Variants in MAN1A1 observed in about 807,000 individuals in gnomAD.
MAN1A1 encodes mannosyl-oligosaccharide 1,2-alpha-mannosidase IA.
MAN1A1 carries 29 observed loss-of-function variants against 70.8 expected under a neutral mutation model. The ratio of observed to expected loss-of-function variants is 0.41; its 90% CI spans 0.31 to 0.56. The LOEUF is 0.56. Among genes scored for constraint, MAN1A1 ranks in the 20% least tolerant of loss-of-function variants. The pLI, the probability that MAN1A1 is intolerant of heterozygous loss-of-function variation, is 0.29. For synonymous variants in MAN1A1, 349 were observed against 330.1 expected, an observed-to-expected ratio of 1.06 and a Z score of -0.62; for missense variants, 747 against 841.3, an observed-to-expected ratio of 0.89 and a Z score of 1.39.
intron 8 of MAN1A1, among the ~76,000 whole-genome samples, chr6:119,195,880 G>A (rs146042197): frequency 0.016 from 2,493 of 152,300 alleles, 34 homozygotes; most frequent in Middle Eastern, 0.065. Context: ...TTCTTGAAGT[G>A]ACCTTTACAG....
At chr6:119,244,443 T>C (rs1775109558) in intron 6 of MAN1A1, among the ~76,000 whole-genome samples, 1 of 152,258 alleles carries the variant, frequency 6.6e-6, no homozygotes, top group Non-Finnish European at 1.5e-5. Flanking sequence ...ATCTAGGTTA[T>C]TAAATGAGTA....
chr6:119,242,393 A>G (rs1775037414), intron 6 of MAN1A1, among the ~76,000 whole-genome samples: 1 of 152,142 alleles, frequency 6.6e-6, no homozygotes, highest in Admixed American at 6.6e-5. Flanking sequence ...ACTATCCTAC[A>G]TAAACCACAT....
chr6:119,317,427 T>C (rs2114470466), intron 2 of MAN1A1, among the ~76,000 whole-genome samples: 1 of 152,334 alleles, frequency 6.6e-6, no homozygotes, highest in Admixed American at 6.5e-5. Flanking sequence ...ATTTACTGTC[T>C]GCATAGTTTT....
At chr6:119,275,519 G>C (rs1776036791) in intron 5 of MAN1A1, among the ~76,000 whole-genome samples, 1 of 148,446 alleles carries the variant, frequency 6.7e-6, no homozygotes, top group African/African-American at 2.5e-5. Context: ...TTTTAGCCGG[G>C]ATGGTCTTGA....
chr6:119,325,624 C>T (rs1773125954), intron 2 of MAN1A1, among the ~76,000 whole-genome samples: 1 of 152,054 alleles, frequency 6.6e-6, no homozygotes, highest in Non-Finnish European at 1.5e-5. Flanking sequence ...ACCACTGCAC[C>T]CCAACGTGAC....
intron 2 of MAN1A1, among the ~76,000 whole-genome samples, chr6:119,313,870 T>C (rs1772776931): frequency 6.6e-6 from 1 of 150,774 alleles, no homozygotes; most frequent in African/African-American, 2.4e-5. Context: ...CCACCAGGTC[T>C]AGGGCAACTA....
intron 6 of MAN1A1, chr6:119,210,813 T>A (rs565307509): frequency 8.3e-6 from 3 of 360,616 alleles, no homozygotes; most frequent in Non-Finnish European, 1.7e-5. Context: ...GACTTGGGAA[T>A]GTGTATTAGA....
chr6:119,337,558 G>A (rs890649124), intron 2 of MAN1A1, among the ~76,000 whole-genome samples: 4 of 152,186 alleles, frequency 2.6e-5, no homozygotes, highest in African/African-American at 9.7e-5. Context: ...AGGGACGGAC[G>A]ACTGCAAAGA....
At position 119,348,937 on chromosome 6, in the gene MAN1A1, C is replaced by G. The variant is rs763735347; in HGVS notation, c.129G>C (p.Val43=). 3 of 1,533,854 alleles carry G rather than the reference C, an allele frequency of 2.0e-6. No homozygotes were observed. The highest frequency in any genetic ancestry group is 2.6e-6 in the Non-Finnish European group (3 of 1,140,650). ...PAALRLTEKF[V]LLLVFSAFIT... ...TGAAGGCGCTGAATACCAGCAGCAG[C>G]ACGAACTTCTCCGTCAGGCGGAGGG... The change falls in exon 2 of 13, where the codon GTG becomes GTC. Residue 43 remains valine, a synonymous_variant. Coordinates refer to ENST00000368468, the MANE Select transcript of MAN1A1 (RefSeq NM_005907.4).
intron 6 of MAN1A1, among the ~76,000 whole-genome samples, chr6:119,236,200 A>T (rs1024139077): frequency 3.3e-5 from 5 of 152,106 alleles, no homozygotes; most frequent in Non-Finnish European, 7.4e-5. Flanking sequence ...GGAAGACAAA[A>T]GCCTGGATGA....
chr6:119,180,540 G>T, intron 11 of MAN1A1, 113 bp from the exon 12 acceptor site: 1 of 587,730 alleles, frequency 1.7e-6, no homozygotes, highest in Admixed American at 2.8e-5. Context: ...TTGAGACAGG[G>T]CCTCACTCTG....
At chr6:119,260,811 T>A (rs1424391769) in intron 5 of MAN1A1, among the ~76,000 whole-genome samples, 1 of 152,154 alleles carries the variant, frequency 6.6e-6, no homozygotes, top group Non-Finnish European at 1.5e-5. Context: ...AAATGTCACA[T>A]AACTCAGTAT....
At chr6:119,257,110 A>G (rs1775480664) in intron 5 of MAN1A1, among the ~76,000 whole-genome samples, 1 of 152,154 alleles carries the variant, frequency 6.6e-6, no homozygotes, top group Non-Finnish European at 1.5e-5. Flanking sequence ...GCAGGTATGT[A>G]CTTATTTGGG....
intron 2 of MAN1A1, among the ~76,000 whole-genome samples, chr6:119,332,614 G>A (rs201748284): frequency 6.6e-6 from 1 of 151,942 alleles, no homozygotes; most frequent in African/African-American, 2.4e-5. Flanking sequence ...GTCAGGAGTT[G>A]GAGACCAGCC....
At chr6:119,341,881 C>T (rs1562249469) in intron 2 of MAN1A1, among the ~76,000 whole-genome samples, 1 of 152,148 alleles carries the variant, frequency 6.6e-6, no homozygotes, top group East Asian at 1.9e-4. Context: ...TTTGGGGTGC[C>T]GAGGTGGGAG....
intron 5 of MAN1A1, among the ~76,000 whole-genome samples, chr6:119,281,757 T>TA (rs1319050833): frequency 4.6e-5 from 7 of 151,952 alleles, no homozygotes; most frequent in Admixed American, 1.3e-4. Context: ...AATATTTCGT[T>TA]AAAAAACAAC....
chr6:119,313,086 G>A (rs757818696), intron 2 of MAN1A1, among the ~76,000 whole-genome samples: 5 of 152,110 alleles, frequency 3.3e-5, no homozygotes, highest in East Asian at 1.9e-4. Context: ...TCCTTCCTTT[G>A]ATGCTTTGAC....
At position 119,306,995 on chromosome 6, in the gene MAN1A1, G is replaced by GA. The variant is rs530830683; in HGVS notation, c.604-4dup. On this transcript the variant is annotated splice_region_variant and splice_polypyrimidine_tract_variant and intron_variant, in intron 2 of 12. Transcript: ENST00000368468. ...TTATTCCAAGCATGTTTCATCATCTGAAAAAAAAAATAAAAACAGGATTAT... is the reference window on the plus strand; with the variant it reads ...TTATTCCAAGCATGTTTCATCATCTGAAAAAAAAAAATAAAAACAGGATTAT... The GA allele has an allele frequency of 0.01, 13,700 of 1,341,970 alleles. 5 individuals carry two copies. The highest frequency in any genetic ancestry group is 0.011 in the Non-Finnish European group (11,191 of 982,694). The allele number at this position is 1,341,970 out of a possible 1,614,324, so 83.1% of individuals were successfully genotyped here.
intron 3 of MAN1A1, among the ~76,000 whole-genome samples, chr6:119,306,364 C>T (rs1772524541): frequency 6.6e-6 from 1 of 152,140 alleles, no homozygotes; most frequent in South Asian, 2.1e-4. Context: ...GCTGTGGGAA[C>T]CAAATGCAAT....
Sources: allele counts gnomAD v4.1 joint callset (sites outside exome capture counted in the v4.1 genomes callset), GRCh38; gene constraint gnomAD v4.1.1; transcripts MANE v1.5; gene names NCBI Gene and HGNC (gene_info 2026-07-23, HGNC 2026-07-21).